DOCK2: variants seen among roughly 807,000 people sequenced by gnomAD.
DOCK2 encodes the protein dedicator of cytokinesis protein 2.
In DOCK2, 87 loss-of-function variants were observed where a neutral mutation model predicts 248.9. The ratio of observed to expected loss-of-function variants is 0.35; its 90% CI spans 0.29 to 0.42. DOCK2 has a LOEUF of 0.42. Among genes scored for constraint, DOCK2 ranks in the 10% least tolerant of loss-of-function variants. DOCK2 has a pLI of 1.00. For synonymous variants in DOCK2, 805 were observed against 821.6 expected, an observed-to-expected ratio of 0.98 and a Z score of 0.35; for missense variants, 1,747 against 2,300.2, an observed-to-expected ratio of 0.76 and a Z score of 4.92.
At chr5:169,742,187 A>C (rs1763353272) in intron 22 of DOCK2, among the ~76,000 whole-genome samples, 1 of 152,104 alleles carries the variant, frequency 6.6e-6, no homozygotes, top group African/African-American at 2.4e-5. Context: ...AGTTGTCTTT[A>C]TGAAAATGCT....
chr5:169,777,331 T>C lies in DOCK2; in HGVS notation c.2554+15706T>C, dbSNP rs566412275. 2.0e-5 allele frequency among the ~76,000 whole-genome samples: 3 copies of C among 152,280 alleles called. No homozygotes were observed. The East Asian group carries it at 5.8e-4, about 29-fold the overall frequency. On this transcript the variant is annotated intron_variant, in intron 25 of 51. Transcript: ENST00000520908. Reference sequence around the variant, plus strand: ...TATCCTTGATGGCAGGGGGTGTGTCTGTGTGTGGACGTTCCCTGCAATACC... The same window carrying C: ...TATCCTTGATGGCAGGGGGTGTGTCCGTGTGTGGACGTTCCCTGCAATACC...
chr5:169,786,663 C>T (rs542598564), intron 25 of DOCK2, among the ~76,000 whole-genome samples: 5 of 152,222 alleles, frequency 3.3e-5, no homozygotes, highest in South Asian at 2.1e-4. Flanking sequence ...TTAAGAGCAC[C>T]GGCTCTGGAG....
rs143970568 is a variant in DOCK2, at chr5:169,869,075, T to C, written c.2799+28223T>C. On this transcript the variant is annotated intron_variant, in intron 27 of 51. Coordinates refer to ENST00000520908, the MANE Select transcript of DOCK2 (RefSeq NM_004946.3). The stretch of plus-strand genomic sequence containing the variant: ...GGGATGCAATAGCAGCTGAAATCAC[T>C]GCACATGGAACACTGTCTTGGCCCA... Among the ~76,000 whole-genome samples, 1,296 of 152,276 alleles carry C rather than the reference T, an allele frequency of 8.5e-3. 21 individuals carry two copies. The highest frequency in any genetic ancestry group is 0.028 in the African/African-American group (1,144 of 41,542).
intron 27 of DOCK2, among the ~76,000 whole-genome samples, chr5:169,900,197 C>G (rs949975160): frequency 1.3e-5 from 2 of 152,186 alleles, no homozygotes; most frequent in Admixed American, 6.5e-5. Context: ...AAGACGCAAG[C>G]TTTAAGCAAG....
intron 20 of DOCK2, among the ~76,000 whole-genome samples, chr5:169,716,841 A>G (rs572722298): frequency 6.6e-6 from 1 of 152,328 alleles, no homozygotes; most frequent in South Asian, 2.1e-4. Flanking sequence ...CAAAATAAAC[A>G]CAAGAAACAT....
chr5:169,889,037 TC>T (rs1179527485), intron 27 of DOCK2, among the ~76,000 whole-genome samples: 3 of 152,270 alleles, frequency 2.0e-5, no homozygotes, highest in African/African-American at 7.2e-5. Flanking sequence ...GACTCTAAGC[TC>T]CTTGAGAGAC....
At chr5:169,858,242 A>G (rs947984431) in intron 27 of DOCK2, among the ~76,000 whole-genome samples, 2 of 152,240 alleles carry the variant, frequency 1.3e-5, no homozygotes, top group Admixed American at 6.5e-5. Context: ...AGAATGACGC[A>G]GATATATGTA....
chr5:169,968,411 G>C (rs371592120), intron 27 of DOCK2, among the ~76,000 whole-genome samples: 47 of 152,270 alleles, frequency 3.1e-4, no homozygotes, highest in East Asian at 2.7e-3. Flanking sequence ...ATACAGGATT[G>C]GGAAGAAGGT....
intron 27 of DOCK2, among the ~76,000 whole-genome samples, chr5:169,879,033 T>C (rs1198453950): frequency 6.6e-6 from 1 of 152,104 alleles, no homozygotes; most frequent in Non-Finnish European, 1.5e-5. Context: ...AGGAGTTAGA[T>C]AGAACCAGAT....
At chr5:169,800,076 A>T (rs961115452) in intron 25 of DOCK2, among the ~76,000 whole-genome samples, 1 of 152,176 alleles carries the variant, frequency 6.6e-6, no homozygotes, top group Non-Finnish European at 1.5e-5. Context: ...AAGTGCTGCA[A>T]TTATAGGAGT....
chr5:169,691,061 G>A (rs1274724183), intron 9 of DOCK2, among the ~76,000 whole-genome samples: 1 of 152,130 alleles, frequency 6.6e-6, no homozygotes, highest in Non-Finnish European at 1.5e-5. Flanking sequence ...GGTGATGTTG[G>A]CATCTTCTCG....
At chr5:170,009,685 C>T (rs562495113) in intron 32 of DOCK2, among the ~76,000 whole-genome samples, 1 of 152,194 alleles carries the variant, frequency 6.6e-6, no homozygotes, top group Non-Finnish European at 1.5e-5. Flanking sequence ...CCTCTTCAGA[C>T]TACGCTTCTT....
chr5:169,857,495 A>C (rs1222218125), intron 27 of DOCK2, among the ~76,000 whole-genome samples: 3 of 152,150 alleles, frequency 2.0e-5, no homozygotes, highest in Non-Finnish European at 4.4e-5. Flanking sequence ...TCACTTCTCA[A>C]ATATCTTCTC....
intron 27 of DOCK2, among the ~76,000 whole-genome samples, chr5:169,915,528 T>A (rs1350413505): frequency 1.3e-5 from 2 of 150,912 alleles, no homozygotes; most frequent in Non-Finnish European, 2.9e-5. Context: ...CCTGGCTATA[T>A]AGAGAAAATA....
At chr5:169,688,026 G>A (rs1281912969) in intron 8 of DOCK2, among the ~76,000 whole-genome samples, 1 of 152,222 alleles carries the variant, frequency 6.6e-6, no homozygotes, top group Non-Finnish European at 1.5e-5. Flanking sequence ...CCGGGTTCAA[G>A]TGATTCTTCT....
At chr5:169,656,025 A>G (rs906930797) in intron 2 of DOCK2, among the ~76,000 whole-genome samples, 1 of 152,072 alleles carries the variant, frequency 6.6e-6, no homozygotes, top group African/African-American at 2.4e-5. Flanking sequence ...GCTGGAGGAG[A>G]GGGGTGGAGA....
intron 27 of DOCK2, among the ~76,000 whole-genome samples, chr5:169,967,410 C>G (rs546543194): frequency 6.6e-6 from 1 of 152,248 alleles, no homozygotes; most frequent in South Asian, 2.1e-4. Flanking sequence ...GTCAGGCTGT[C>G]AGAGGTGATC....
chr5:170,070,634 C>T (rs10462994), intron 46 of DOCK2, among the ~76,000 whole-genome samples: 58,678 of 152,004 alleles, frequency 0.39, 12,922 homozygotes, highest in East Asian at 0.64. Context: ...CAGGCTTTGA[C>T]TCGTTCCCAT....
intron 27 of DOCK2, chr5:169,883,684 C>T: frequency 6.4e-7 from 1 of 1,551,048 alleles, no homozygotes; most frequent in South Asian, 1.2e-5. Flanking sequence ...AAGATGGTGC[C>T]TGGTTGCTTG....
Sources: gnomAD v4.1 joint callset for allele counts (sites outside exome capture counted in the v4.1 genomes callset) on GRCh38, gnomAD v4.1.1 for gene constraint, MANE v1.5 for transcripts, NCBI Gene and HGNC (gene_info 2026-07-23, HGNC 2026-07-21) for gene names.